Variants in LAMC1 observed in about 807,000 individuals in gnomAD.
The protein encoded by LAMC1 is laminin subunit gamma 1, also known as laminin subunit gamma-1.
LAMC1 carries 38 observed loss-of-function variants against 173.6 expected under a neutral mutation model. The observed-to-expected ratio is 0.22, with a 90% confidence interval of 0.17 to 0.29. The LOEUF is 0.29. LAMC1 is among the 10% of genes least tolerant of loss of function. The pLI, the probability that LAMC1 is intolerant of heterozygous loss-of-function variation, is 1.00. For synonymous variants in LAMC1, 746 were observed against 749.1 expected, an observed-to-expected ratio of 1.00 and a Z score of 0.07; for missense variants, 1,824 against 2,051.8, an observed-to-expected ratio of 0.89 and a Z score of 2.14.
intron 20 of LAMC1, 137 bp downstream of exon 20, chr1:183,131,515 T>G: frequency 1.7e-6 from 1 of 585,558 alleles, no homozygotes; most frequent in East Asian, 2.7e-5. Context: ...TTTTGCACAC[T>G]TTGCTCTCTT....
intron 1 of LAMC1, among the ~76,000 whole-genome samples, chr1:183,081,781 AGTT>A (rs1655283871): frequency 6.6e-6 from 1 of 152,148 alleles, no homozygotes; most frequent in Non-Finnish European, 1.5e-5. Context: ...TAAAGTCTAT[AGTT>A]TAGGCTCTCT....
At chr1:183,095,118 TA>T (rs1250252335) in intron 1 of LAMC1, among the ~76,000 whole-genome samples, 2 of 152,208 alleles carry the variant, frequency 1.3e-5, no homozygotes, top group East Asian at 3.8e-4. Flanking sequence ...GTGCTGGGAC[TA>T]CAGGTGTGAG....
intron 1 of LAMC1, among the ~76,000 whole-genome samples, chr1:183,077,550 C>T (rs1248175444): frequency 6.6e-6 from 1 of 151,918 alleles, no homozygotes; most frequent in African/African-American, 2.4e-5. Context: ...TTGTCCCTTG[C>T]CCCCCTCCCA....
chr1:183,030,349 CAG>C (rs1451053269), intron 1 of LAMC1, among the ~76,000 whole-genome samples: 4 of 152,172 alleles, frequency 2.6e-5, no homozygotes, highest in Non-Finnish European at 4.4e-5. Flanking sequence ...GATGCAAGCA[CAG>C]AGAGGATTCA....
chr1:183,038,856 C>T (rs1007799524), intron 1 of LAMC1, among the ~76,000 whole-genome samples: 8 of 151,964 alleles, frequency 5.3e-5, no homozygotes. Context: ...ACAGAGACAT[C>T]CGTGGACTCT....
At chr1:183,077,787 T>TATATATATATATATATATATATATAG (rs1655157284) in intron 1 of LAMC1, among the ~76,000 whole-genome samples, 4 of 146,812 alleles carry the variant, frequency 2.7e-5, no homozygotes, top group Non-Finnish European at 4.5e-5. Flanking sequence ...TATATATATA[T>TATATATATATATATATATATATATAG]ATATATATAC....
intron 1 of LAMC1, among the ~76,000 whole-genome samples, chr1:183,040,782 T>C (rs1392860149): frequency 6.6e-6 from 1 of 151,912 alleles, no homozygotes; most frequent in African/African-American, 2.4e-5. Flanking sequence ...TTTTGATGAT[T>C]GAGCACTGGA....
At chr1:183,040,915 A>G (rs1558029965) in intron 1 of LAMC1, among the ~76,000 whole-genome samples, 1 of 152,236 alleles carries the variant, frequency 6.6e-6, no homozygotes, top group East Asian at 1.9e-4. Context: ...TGAGAGAAGG[A>G]TAGAAATTCC....
chr1:183,139,523 C>G (rs1657048050), intron 26 of LAMC1, among the ~76,000 whole-genome samples: 1 of 152,188 alleles, frequency 6.6e-6, no homozygotes, highest in Admixed American at 6.5e-5. Flanking sequence ...GCCGTTTGGA[C>G]AGAGATTAAT....
chr1:183,130,837 A>G (rs1447976707), intron 19 of LAMC1, among the ~76,000 whole-genome samples: 1 of 152,202 alleles, frequency 6.6e-6, no homozygotes, highest in Admixed American at 6.5e-5. Context: ...AGAATCTGCA[A>G]TCAAGGGTGC....
chr1:183,136,341 A>C lies in LAMC1; in HGVS notation c.4115-45A>C, dbSNP rs757828538. The stretch of plus-strand genomic sequence containing the variant: ...GAACTCCCTGAAAGGCCCCCTTTTT[A>C]CTTGTTGGGAGTTTAGCTCAAATGT... On this transcript the variant is annotated intron_variant, in intron 24 of 27. Coordinates refer to ENST00000258341, the MANE Select transcript of LAMC1 (RefSeq NM_002293.4). The C allele has an allele frequency of 2.6e-6, 4 of 1,551,260 alleles. No individual in the cohort carries two copies. In the Admixed American group the frequency reaches 6.8e-5, roughly 26 times the overall value.
At position 183,117,682 on chromosome 1, in the gene LAMC1, C is replaced by T. The variant is rs1482650819; in HGVS notation, c.1836C>T (p.Gly612=). Residue 612 remains glycine, a synonymous_variant, in exon 10 of 28, where the codon GGC becomes GGT. Transcript: ENST00000258341. The part of the protein sequence containing the change: ...LRVSVPLIAQ[G]NSYPSETTVK... ...TATCTGTACCCTTGATCGCTCAGGGCAATTCCTATCCAAGTGAGACCACTG... is the reference window on the plus strand; with the variant it reads ...TATCTGTACCCTTGATCGCTCAGGGTAATTCCTATCCAAGTGAGACCACTG... The T allele has an allele frequency of 8.7e-6, 14 of 1,614,078 alleles. No individual in the cohort carries two copies. Among genetic ancestry groups the T allele is most frequent in the Non-Finnish European group, 5.9e-6 (7 of 1,180,034 alleles).
At chr1:183,070,212 G>A (rs1654978290) in intron 1 of LAMC1, among the ~76,000 whole-genome samples, 1 of 152,164 alleles carries the variant, frequency 6.6e-6, no homozygotes, top group South Asian at 2.1e-4. Flanking sequence ...AGTTATATTT[G>A]CAAATTATTT....
chr1:183,040,213 G>A (rs556828864), intron 1 of LAMC1, among the ~76,000 whole-genome samples: 2 of 152,238 alleles, frequency 1.3e-5, no homozygotes, highest in South Asian at 2.1e-4. Context: ...TGTGCCTCCC[G>A]CTAACACACA....
chr1:183,092,489 A>C (rs1468564626), intron 1 of LAMC1, among the ~76,000 whole-genome samples: 4 of 152,120 alleles, frequency 2.6e-5, no homozygotes, highest in African/African-American at 4.8e-5. Flanking sequence ...AAACTTGTGG[A>C]GATGAGGCTC....
intron 1 of LAMC1, among the ~76,000 whole-genome samples, chr1:183,099,245 C>T (rs778910904): frequency 8.5e-5 from 13 of 152,180 alleles, no homozygotes; most frequent in East Asian, 1.9e-4. Flanking sequence ...CGTACCACCA[C>T]GCCTGGCTAA....
rs1220559669 is a variant in LAMC1 at position 183,023,678 on chromosome 1, GC to G, written c.-36del. 5 of 1,158,880 alleles carry G rather than the reference GC, an allele frequency of 4.3e-6. No homozygotes were observed. The highest frequency in any genetic ancestry group is 5.3e-6 in the Non-Finnish European group (5 of 939,702). 71.8% of individuals were successfully genotyped at this position (1,158,880 alleles called of 1,614,324 possible). On this transcript the variant is annotated 5_prime_UTR_variant, in exon 1 of 28. Coordinates refer to ENST00000258341, the MANE Select transcript of LAMC1 (RefSeq NM_002293.4). ...CGCTAGGCGAGAGGAACGCGCCGGT[GC>G]CCTTGCCTTCGCCGTGACCCAGCGT...
At chr1:183,115,724 G>A (rs562922512) in intron 6 of LAMC1, 87 bp downstream of exon 6, 5 of 912,110 alleles carry the variant, frequency 5.5e-6, no homozygotes, top group African/African-American at 4.9e-5. Context: ...ATTGGCAGCA[G>A]GGTAAACATT....
chr1:183,028,558 A>ATT (rs1381325569), intron 1 of LAMC1, among the ~76,000 whole-genome samples: 1 of 152,242 alleles, frequency 6.6e-6, no homozygotes, highest in Non-Finnish European at 1.5e-5. Context: ...TGATTTGCCT[A>ATT]AAGTCATGTG....
Sources: gnomAD v4.1 joint callset for allele counts (sites outside exome capture counted in the v4.1 genomes callset) on GRCh38, gnomAD v4.1.1 for gene constraint, MANE v1.5 for transcripts, NCBI Gene and HGNC (gene_info 2026-07-23, HGNC 2026-07-21) for gene names.